The following SGCZ variants were observed in gnomAD, a reference collection of about 807,000 sequenced individuals.
SGCZ encodes zeta-sarcoglycan.
SGCZ carries 40 observed loss-of-function variants against 41.3 expected under a neutral mutation model. That is an observed-to-expected ratio of 0.97 (90% CI 0.75 to 1.26). SGCZ has a LOEUF of 1.26. Among genes scored for constraint, SGCZ ranks in the 50% most tolerant of loss-of-function variants. The pLI, the probability that SGCZ is intolerant of heterozygous loss-of-function variation, is 0.00. For missense variants in SGCZ, 552 were observed against 369.8 expected (o/e 1.49, Z -4.04); for synonymous variants, 206 against 137.5 (o/e 1.50, Z -3.49).
chr8:14,270,701 G>A (rs1027241710), intron 3 of SGCZ, among the ~76,000 whole-genome samples: 1 of 152,032 alleles, frequency 6.6e-6, no homozygotes, highest in African/African-American at 2.4e-5. Context: ...TATAGGAATA[G>A]TGCCGCAATA....
At position 14,099,055 on chromosome 8, in the gene SGCZ, A is replaced by G. The variant is rs536127628; in HGVS notation, c.744+3321T>C. Among the ~76,000 whole-genome samples the G allele has an allele frequency of 8.5e-5, 13 of 152,192 alleles. No homozygotes were observed. The South Asian group carries it at 2.3e-3, about 27-fold the overall frequency. On this transcript the variant is annotated intron_variant, in intron 7 of 7. Coordinates refer to ENST00000382080, the MANE Select transcript of SGCZ (RefSeq NM_139167.4). ...GTCATTTTTTATAATAGATAAATTG[A>G]TTCATATGGAGTACTTAGAGAAAAT...
chr8:14,591,175 A>T (rs1342993446), intron 1 of SGCZ, among the ~76,000 whole-genome samples: 1 of 151,840 alleles, frequency 6.6e-6, no homozygotes, highest in Non-Finnish European at 1.5e-5. Context: ...AATAGTTGAA[A>T]GGATTACAAT....
At chr8:14,997,614 T>A (rs771309090) in intron 1 of SGCZ, among the ~76,000 whole-genome samples, 1 of 152,204 alleles carries the variant, frequency 6.6e-6, no homozygotes, top group South Asian at 2.1e-4. Flanking sequence ...TTTTCATGAT[T>A]TTCTGCACCA....
At chr8:14,624,404 T>C (rs1806380909) in intron 1 of SGCZ, among the ~76,000 whole-genome samples, 1 of 151,940 alleles carries the variant, frequency 6.6e-6, no homozygotes, top group Non-Finnish European at 1.5e-5. Context: ...GACTTTCAAA[T>C]ACATTTACCA....
intron 1 of SGCZ, among the ~76,000 whole-genome samples, chr8:14,738,472 C>A (rs1799111655): frequency 6.6e-6 from 1 of 152,040 alleles, no homozygotes. Flanking sequence ...TTTTTCTTCC[C>A]CCAGTGAAAC....
chr8:14,840,493 C>T (rs867407375), intron 1 of SGCZ, among the ~76,000 whole-genome samples: 10 of 152,174 alleles, frequency 6.6e-5, no homozygotes, highest in South Asian at 2.1e-4. Flanking sequence ...CACAGTACTT[C>T]ATCAAATTCT....
In SGCZ at chr8:15,137,757, G is replaced by A. The variant is rs1808167011; in HGVS notation, c.39+99828C>T. ...TTTCAGAGGACATATAGACATGTAT[G>A]AATGTCCAGGCAGAAGTTTGCTGCA... On this transcript the variant is annotated intron_variant, in intron 1 of 7. Transcript: ENST00000382080. Among the ~76,000 whole-genome samples, 3 of 152,226 alleles carry A rather than the reference G, an allele frequency of 2.0e-5. 1 individual carries two copies. The South Asian group carries it at 6.2e-4, about 32-fold the overall frequency.
chr8:14,314,539 C>T (rs532512667), intron 3 of SGCZ, among the ~76,000 whole-genome samples: 1 of 152,170 alleles, frequency 6.6e-6, no homozygotes, highest in Admixed American at 6.6e-5. Flanking sequence ...AAGACAATAT[C>T]TTTCATGTCT....
At chr8:14,125,768 T>C (rs547918781) in intron 5 of SGCZ, among the ~76,000 whole-genome samples, 2 of 152,040 alleles carry the variant, frequency 1.3e-5, no homozygotes, top group Non-Finnish European at 2.9e-5. Context: ...ACTGGTACCA[T>C]AACAGACATA....
intron 2 of SGCZ, among the ~76,000 whole-genome samples, chr8:14,454,338 C>T (rs1343637057): frequency 6.6e-6 from 1 of 152,168 alleles, no homozygotes; most frequent in African/African-American, 2.4e-5. Flanking sequence ...ACACGGGAAA[C>T]ATGCTACCTT....
intron 1 of SGCZ, among the ~76,000 whole-genome samples, chr8:14,670,245 C>T (rs181505119): frequency 6.6e-6 from 1 of 152,122 alleles, no homozygotes; most frequent in Admixed American, 6.5e-5. Flanking sequence ...TATATTGTAG[C>T]GATAGTGGAT....
chr8:14,560,226 A>G (rs947804971), intron 1 of SGCZ, among the ~76,000 whole-genome samples: 1 of 152,072 alleles, frequency 6.6e-6, no homozygotes, highest in Non-Finnish European at 1.5e-5. Flanking sequence ...TTCCCAACAC[A>G]GATAAAAGAT....
At chr8:14,134,639 G>C (rs547450204) in intron 5 of SGCZ, among the ~76,000 whole-genome samples, 1 of 152,110 alleles carries the variant, frequency 6.6e-6, no homozygotes, top group African/African-American at 2.4e-5. Context: ...AGCACTGTTC[G>C]CTTCTTGGTA....
At chr8:15,078,554 T>C (rs1256145196) in intron 1 of SGCZ, among the ~76,000 whole-genome samples, 4 of 152,032 alleles carry the variant, frequency 2.6e-5, no homozygotes, top group Non-Finnish European at 4.4e-5. Context: ...ACAGGTTAGA[T>C]TTTACATTTT....
intron 1 of SGCZ, among the ~76,000 whole-genome samples, chr8:14,903,076 T>A (rs1171073557): frequency 1.3e-5 from 2 of 152,126 alleles, no homozygotes; most frequent in Non-Finnish European, 2.9e-5. Context: ...CTGTTCTGTA[T>A]CCAGTTAACG....
chr8:15,117,913 G>T (rs2116943816), intron 1 of SGCZ, among the ~76,000 whole-genome samples: 1 of 152,280 alleles, frequency 6.6e-6, no homozygotes, highest in South Asian at 2.1e-4. Context: ...ATTAATTGCT[G>T]TCTTAAACAT....
intron 2 of SGCZ, among the ~76,000 whole-genome samples, chr8:14,352,303 G>A (rs79837218): frequency 0.11 from 16,516 of 151,988 alleles, 1,134 homozygotes; most frequent in Non-Finnish European, 0.16. Context: ...GAGAAGTAAC[G>A]TATAAGGAGT....
At chr8:14,118,966 C>G (rs960663761) in intron 5 of SGCZ, among the ~76,000 whole-genome samples, 6 of 152,070 alleles carry the variant, frequency 3.9e-5, no homozygotes, top group African/African-American at 1.4e-4. Flanking sequence ...TTACTGTAGC[C>G]TTGTATTATA....
At chr8:15,017,796 G>A (rs982609247) in intron 1 of SGCZ, among the ~76,000 whole-genome samples, 18 of 152,268 alleles carry the variant, frequency 1.2e-4, no homozygotes, top group South Asian at 2.1e-4. Context: ...GTGAGCCGTG[G>A]TGCCTGGCCA....
Sources: gnomAD v4.1 joint callset for allele counts (sites outside exome capture counted in the v4.1 genomes callset) on GRCh38, gnomAD v4.1.1 for gene constraint, MANE v1.5 for transcripts, NCBI Gene and HGNC (gene_info 2026-07-23, HGNC 2026-07-21) for gene names.